The following RAB38 variants were observed in gnomAD, a reference collection of about 807,000 sequenced individuals.
The protein encoded by RAB38 is ras-related protein Rab-38.
In RAB38, 15 loss-of-function variants were observed where a neutral mutation model predicts 18.4. The ratio of observed to expected loss-of-function variants is 0.82; its 90% CI spans 0.55 to 1.26. The LOEUF (loss-of-function observed/expected upper bound fraction) is 1.26. RAB38 is among the 50% of genes most tolerant of loss of function. The pLI is 0.00. For missense variants in RAB38, 294 were observed against 267.4 expected (o/e 1.10, Z -0.69); for synonymous variants, 101 against 104.4 (o/e 0.97, Z 0.20).
chr11:87,893,956 C>A, the RAB38 span, among the ~76,000 whole-genome samples: 1 of 151,472 alleles, frequency 6.6e-6, no homozygotes, highest in African/African-American at 2.4e-5. Context: ...AAATAAAATG[C>A]CATTGGGATC....
chr11:87,860,139 C>T, the RAB38 span, among the ~76,000 whole-genome samples: 1 of 151,848 alleles, frequency 6.6e-6, no homozygotes, highest in Admixed American at 6.6e-5. Flanking sequence ...CTTGATGGGC[C>T]AGTGTCTTAA....
chr11:88,163,863 G>T (rs776820430), intron 1 of RAB38, among the ~76,000 whole-genome samples: 1 of 152,010 alleles, frequency 6.6e-6, no homozygotes, highest in Non-Finnish European at 1.5e-5. Flanking sequence ...TTTTAGACTG[G>T]AGCCCAATGC....
chr11:87,928,513 A>G, the RAB38 span, among the ~76,000 whole-genome samples: 3 of 152,074 alleles, frequency 2.0e-5, no homozygotes, highest in Non-Finnish European at 4.4e-5. Flanking sequence ...AATAATTAAA[A>G]TTTTAAGTAA....
At chr11:87,872,446 A>C in the RAB38 span, among the ~76,000 whole-genome samples, 4 of 151,614 alleles carry the variant, frequency 2.6e-5, no homozygotes, top group African/African-American at 9.6e-5. Flanking sequence ...ACCAACACTG[A>C]CATGTCATTA....
chr11:88,039,149 G>A, the RAB38 span, among the ~76,000 whole-genome samples: 38 of 152,184 alleles, frequency 2.5e-4, no homozygotes, highest in East Asian at 6.0e-3. Flanking sequence ...AGTTGGAGCC[G>A]AGTTGAGAAA....
the RAB38 span, among the ~76,000 whole-genome samples, chr11:88,054,422 A>T: frequency 6.6e-6 from 1 of 152,236 alleles, no homozygotes; most frequent in Non-Finnish European, 1.5e-5. Context: ...GCAATTAAGT[A>T]ACTTGGAGTA....
the RAB38 span, among the ~76,000 whole-genome samples, chr11:88,085,576 T>C: frequency 1.3e-5 from 2 of 152,086 alleles, no homozygotes; most frequent in African/African-American, 4.8e-5. Context: ...ATGAGTTATA[T>C]TTTTAAGAAA....
At chr11:87,885,630 C>T in the RAB38 span, among the ~76,000 whole-genome samples, 1 of 151,934 alleles carries the variant, frequency 6.6e-6, no homozygotes, top group East Asian at 2.0e-4. Flanking sequence ...TACTTCTGTA[C>T]CTCACCTTGA....
At chr11:87,945,579 G>A in the RAB38 span, among the ~76,000 whole-genome samples, 2 of 151,890 alleles carry the variant, frequency 1.3e-5, no homozygotes, top group Non-Finnish European at 1.5e-5. Context: ...AAGAGTGAAG[G>A]AAAAGAAAAA....
chr11:88,023,974 C>T, the RAB38 span, among the ~76,000 whole-genome samples: 1 of 152,100 alleles, frequency 6.6e-6, no homozygotes, highest in Non-Finnish European at 1.5e-5. Flanking sequence ...CTCTCCAGGA[C>T]ATTGATCTGG....
At chr11:87,977,384 TATA>T in the RAB38 span, among the ~76,000 whole-genome samples, 1,820 of 46,534 alleles carry the variant, frequency 0.039, 213 homozygotes, top group Non-Finnish European at 0.06. Context: ...TATTATAAAA[TATA>T]ATTATATATA....
At chr11:88,008,225 A>G in the RAB38 span, among the ~76,000 whole-genome samples, 1 of 152,154 alleles carries the variant, frequency 6.6e-6, no homozygotes, top group Non-Finnish European at 1.5e-5. Context: ...TTATACTTCT[A>G]TTTTTTAAAA....
At chr11:87,957,443 C>T in the RAB38 span, among the ~76,000 whole-genome samples, 2 of 151,842 alleles carry the variant, frequency 1.3e-5, no homozygotes, top group Non-Finnish European at 2.9e-5. Context: ...TATGTGACCC[C>T]CATACCCAGG....
chr11:88,062,265 A>T, the RAB38 span, among the ~76,000 whole-genome samples: 3 of 151,908 alleles, frequency 2.0e-5, no homozygotes, highest in Admixed American at 2.0e-4. Context: ...TCTCACCGAG[A>T]TCCGATGGTT....
chr11:87,820,138 T>C, the RAB38 span, among the ~76,000 whole-genome samples: 6 of 152,296 alleles, frequency 3.9e-5, no homozygotes, highest in East Asian at 1.2e-3. Flanking sequence ...TAATTGCTAT[T>C]CTTAGTGCTC....
chr11:88,148,037 A>G (rs1186319174), intron 2 of RAB38, among the ~76,000 whole-genome samples: 4 of 152,216 alleles, frequency 2.6e-5, no homozygotes, highest in Admixed American at 2.6e-4. Context: ...AAAACGTTCA[A>G]AGAGAGTCAA....
chr11:87,952,090 G>A, the RAB38 span, among the ~76,000 whole-genome samples: 1 of 152,054 alleles, frequency 6.6e-6, no homozygotes, highest in Non-Finnish European at 1.5e-5. Flanking sequence ...CAGTGGGTAA[G>A]GTCCTGGGAG....
chr11:87,935,785 C>G, the RAB38 span, among the ~76,000 whole-genome samples: 2 of 152,166 alleles, frequency 1.3e-5, no homozygotes, highest in Admixed American at 6.6e-5. Context: ...TGAACCTGTT[C>G]TTCATTTTAT....
the RAB38 span, among the ~76,000 whole-genome samples, chr11:87,958,935 A>T: frequency 3.9e-5 from 6 of 152,202 alleles, no homozygotes; most frequent in African/African-American, 1.4e-4. Flanking sequence ...ATAAGACAAT[A>T]GAGAATTGTA....
Sources: gnomAD v4.1 joint callset for allele counts (sites outside exome capture counted in the v4.1 genomes callset) on GRCh38, gnomAD v4.1.1 for gene constraint, MANE v1.5 for transcripts, NCBI Gene and HGNC (gene_info 2026-07-23, HGNC 2026-07-21) for gene names.